Variants in KIRREL1 observed in about 807,000 individuals in gnomAD.
The protein encoded by KIRREL1 is kin of IRRE-like protein 1.
Under a neutral mutation model 83.3 loss-of-function variants are expected in KIRREL1, and 25 were observed. The observed-to-expected ratio is 0.30, with a 90% CI of 0.22 to 0.42. KIRREL1 has a LOEUF of 0.42. KIRREL1 is among the 10% of genes least tolerant of loss of function. The probability of loss-of-function intolerance (pLI) is 1.00; values close to 1 mark genes in which losing one functional copy is unlikely to be tolerated. For missense variants in KIRREL1, 812 were observed against 1,032.3 expected, an observed-to-expected ratio of 0.79 and a Z score of 2.92; for synonymous variants, 388 against 410.4, an observed-to-expected ratio of 0.95 and a Z score of 0.66.
chr1:158,032,116 C>T (rs1396455607), intron 1 of KIRREL1, among the ~76,000 whole-genome samples: 1 of 151,352 alleles, frequency 6.6e-6, no homozygotes, highest in Non-Finnish European at 1.5e-5. Context: ...AACAAACAAA[C>T]ACACTTGCAA....
At chr1:158,005,915 C>T (rs1434266460) in intron 1 of KIRREL1, among the ~76,000 whole-genome samples, 1 of 152,150 alleles carries the variant, frequency 6.6e-6, no homozygotes, top group East Asian at 1.9e-4. Flanking sequence ...TTCAGGGTTC[C>T]CTGGTTCTGT....
At chr1:158,063,087 C>T (rs553986247) in intron 1 of KIRREL1, among the ~76,000 whole-genome samples, 2 of 152,208 alleles carry the variant, frequency 1.3e-5, no homozygotes, top group Non-Finnish European at 2.9e-5. Context: ...ACTCTTCTCC[C>T]AGTTCTCTGG....
intron 1 of KIRREL1, among the ~76,000 whole-genome samples, chr1:158,048,068 A>G (rs1660821182): frequency 6.6e-6 from 1 of 152,170 alleles, no homozygotes; most frequent in South Asian, 2.1e-4. Context: ...CTTTAAGAAG[A>G]TCTCTGGACC....
At chr1:158,027,321 G>A (rs1020852912) in intron 1 of KIRREL1, among the ~76,000 whole-genome samples, 4 of 152,330 alleles carry the variant, frequency 2.6e-5, no homozygotes, top group Admixed American at 1.3e-4. Flanking sequence ...TTCTCTGGGC[G>A]TGCTACCCTC....
At chr1:158,008,905 T>C (rs1014454352) in intron 1 of KIRREL1, among the ~76,000 whole-genome samples, 3 of 152,004 alleles carry the variant, frequency 2.0e-5, no homozygotes, top group Non-Finnish European at 4.4e-5. Context: ...CAGGACAGGA[T>C]GTAATGGAAA....
intron 1 of KIRREL1, among the ~76,000 whole-genome samples, chr1:158,051,020 A>G (rs1455052431): frequency 6.6e-6 from 1 of 152,242 alleles, no homozygotes; most frequent in Non-Finnish European, 1.5e-5. Context: ...CTGCTTCAGC[A>G]TAAACCTTAC....
intron 1 of KIRREL1, among the ~76,000 whole-genome samples, chr1:158,002,648 G>A (rs1208096556): frequency 6.6e-6 from 1 of 152,224 alleles, no homozygotes. Context: ...GGAGATGGAT[G>A]TATAAACACA....
chr1:158,005,800 T>TG (rs1276997961), intron 1 of KIRREL1, among the ~76,000 whole-genome samples: 1 of 152,068 alleles, frequency 6.6e-6, no homozygotes, highest in Non-Finnish European at 1.5e-5. Flanking sequence ...TCATAATTGT[T>TG]CAACCCACAT....
intron 1 of KIRREL1, among the ~76,000 whole-genome samples, chr1:158,072,922 G>A (rs985639304): frequency 2.0e-5 from 3 of 152,018 alleles, no homozygotes; most frequent in African/African-American, 7.3e-5. Context: ...AATGTAAAAG[G>A]GGGATGAGGT....
chr1:158,086,675 T>G lies in KIRREL1; in HGVS notation c.590T>G (p.Val197Gly), dbSNP rs927472352. 1 of 1,551,316 alleles carries G rather than the reference T, an allele frequency of 6.4e-7. No homozygotes were observed. Among genetic ancestry groups the G allele is most frequent in the Admixed American group, 2.0e-5 (1 of 50,928 alleles). Reference sequence around the variant, plus strand: ...CCCACGGACCTGGACATAGGGCGTGTCTTCACTTGCCGAAGCATGAACGAA... The same window carrying G: ...CCCACGGACCTGGACATAGGGCGTGGCTTCACTTGCCGAAGCATGAACGAA... Reference protein sequence around the residue: ...INPTDLDIGRVFTCRSMNEAI... With the variant: ...INPTDLDIGRGFTCRSMNEAI... Residue 197 changes from valine (V) to glycine (G), a missense_variant, in exon 5 of 15, where the codon GTC (valine) becomes GGC (glycine). Val to Gly is a moderately radical substitution (Grantham distance 109). This residue lies in a region of KIRREL1 where 472 missense variants were observed against 626.8 expected (regional missense o/e 0.75). Transcript: ENST00000359209.
At chr1:158,040,916 G>A (rs1375372366) in intron 1 of KIRREL1, among the ~76,000 whole-genome samples, 1 of 152,090 alleles carries the variant, frequency 6.6e-6, no homozygotes, top group Non-Finnish European at 1.5e-5. Context: ...TTTGTAAGCA[G>A]TAAGTGATGT....
chr1:158,055,243 G>A (rs564809876), intron 1 of KIRREL1, among the ~76,000 whole-genome samples: 22 of 152,130 alleles, frequency 1.4e-4, no homozygotes, highest in South Asian at 4.2e-4. Flanking sequence ...AAGGGGAGGC[G>A]GCCTCCCCAG....
At chr1:158,006,038 C>A (rs1306818118) in intron 1 of KIRREL1, among the ~76,000 whole-genome samples, 3 of 152,176 alleles carry the variant, frequency 2.0e-5, no homozygotes, top group Non-Finnish European at 4.4e-5. Flanking sequence ...ACACATTTAG[C>A]TATCTGCAAG....
At chr1:158,053,249 T>G (rs555900479) in intron 1 of KIRREL1, among the ~76,000 whole-genome samples, 19 of 152,288 alleles carry the variant, frequency 1.2e-4, no homozygotes, top group African/African-American at 4.3e-4. Flanking sequence ...CATCCCCCAG[T>G]ACAGCACCTG....
chr1:158,090,860 G>A (rs889307092), intron 10 of KIRREL1, among the ~76,000 whole-genome samples: 1 of 152,198 alleles, frequency 6.6e-6, no homozygotes, highest in Non-Finnish European at 1.5e-5. Flanking sequence ...TTCTGTCATT[G>A]TATAGATGAA....
intron 1 of KIRREL1, among the ~76,000 whole-genome samples, chr1:158,055,076 G>A (rs186985079): frequency 5.2e-4 from 79 of 152,212 alleles, no homozygotes; most frequent in African/African-American, 1.9e-3. Flanking sequence ...GACTTAGTGA[G>A]GCTGCACTGG....
rs541407515 is a variant in KIRREL1, at chr1:158,001,911, G to A, written c.52+8183G>A. 2.6e-5 allele frequency among the ~76,000 whole-genome samples: 4 copies of A among 152,244 alleles called. 1 individual carries two copies. The highest frequency in any genetic ancestry group is 7.2e-5 in the African/African-American group (3 of 41,554). On this transcript the variant is annotated intron_variant, in intron 1 of 14. Coordinates refer to ENST00000359209, the MANE Select transcript of KIRREL1 (RefSeq NM_018240.7). ...GATTTCTGTTTTTTAAGCAGACAAA[G>A]GGTGTGTTAAAAACAGGTATAATCC...
At chr1:158,070,770 G>A (rs868747020) in intron 1 of KIRREL1, among the ~76,000 whole-genome samples, 58 of 152,022 alleles carry the variant, frequency 3.8e-4, no homozygotes, top group African/African-American at 1.2e-3. Context: ...GGATGCTGGT[G>A]GGCGATTAGG....
At chr1:158,034,279 A>AAAAAAAAAG (rs1660412657) in intron 1 of KIRREL1, among the ~76,000 whole-genome samples, 1 of 132,196 alleles carries the variant, frequency 7.6e-6, no homozygotes, top group Non-Finnish European at 1.7e-5. Flanking sequence ...CAAAAAAAAA[A>AAAAAAAAAG]AAAAAAAGAA....
Sources: allele counts gnomAD v4.1 joint callset (sites outside exome capture counted in the v4.1 genomes callset), GRCh38; gene constraint gnomAD v4.1.1; regional missense constraint gnomAD v4.1.1; transcripts MANE v1.5; gene names NCBI Gene and HGNC (gene_info 2026-07-23, HGNC 2026-07-21).